The following PTPRM variants were observed in gnomAD, a reference collection of about 807,000 sequenced individuals.
The protein encoded by PTPRM is protein tyrosine phosphatase receptor type M.
PTPRM carries 47 observed loss-of-function variants against 186.7 expected under a neutral mutation model. That is an observed-to-expected ratio of 0.25 (90% CI 0.20 to 0.32). The LOEUF is 0.32. Ranked by LOEUF, PTPRM falls within the 10% of genes least tolerant of loss-of-function variation. The pLI is 1.00. For missense variants in PTPRM, 1,494 were observed against 1,865.0 expected (o/e 0.80, Z 3.66); for synonymous variants, 668 against 674.9 (o/e 0.99, Z 0.16).
intron 2 of PTPRM, among the ~76,000 whole-genome samples, chr18:7,857,515 G>A (rs905172497): frequency 6.6e-6 from 1 of 152,118 alleles, no homozygotes; most frequent in African/African-American, 2.4e-5. Flanking sequence ...ATGATTTGCT[G>A]AAAGACGTAT....
chr18:8,273,634 G>T (rs1404937503), intron 19 of PTPRM, among the ~76,000 whole-genome samples: 1 of 152,118 alleles, frequency 6.6e-6, no homozygotes, highest in South Asian at 2.1e-4. Flanking sequence ...TTTTAAACAA[G>T]ATCCTCCCAG....
chr18:7,603,776 G>A (rs2037464075), intron 1 of PTPRM, among the ~76,000 whole-genome samples: 2 of 152,198 alleles, frequency 1.3e-5, no homozygotes, highest in South Asian at 4.1e-4. Flanking sequence ...AGCAGCCTGT[G>A]GAGTCTGCTA....
chr18:7,779,998 C>G (rs946492111), intron 2 of PTPRM, among the ~76,000 whole-genome samples: 1 of 152,058 alleles, frequency 6.6e-6, no homozygotes, highest in African/African-American at 2.4e-5. Context: ...TTTCTAGTGG[C>G]GAGTATTTAA....
chr18:7,778,687 C>T (rs951187961), intron 2 of PTPRM, among the ~76,000 whole-genome samples: 4 of 152,064 alleles, frequency 2.6e-5, no homozygotes, highest in Non-Finnish European at 4.4e-5. Flanking sequence ...ACGGTGTTGG[C>T]CAGGCTGGTC....
chr18:8,361,269 T>G (rs1036882419), intron 23 of PTPRM, among the ~76,000 whole-genome samples: 2 of 152,166 alleles, frequency 1.3e-5, no homozygotes, highest in African/African-American at 4.8e-5. Context: ...GCCTCTGAAA[T>G]TAAAGCTTGT....
chr18:7,677,636 A>G (rs1348951822), intron 1 of PTPRM, among the ~76,000 whole-genome samples: 1 of 152,116 alleles, frequency 6.6e-6, no homozygotes, highest in Non-Finnish European at 1.5e-5. Context: ...CCTGAGTGGC[A>G]TGGAGAGCCT....
intron 4 of PTPRM, among the ~76,000 whole-genome samples, chr18:7,913,783 T>G (rs2050404987): frequency 6.6e-6 from 1 of 152,156 alleles, no homozygotes; most frequent in African/African-American, 2.4e-5. Flanking sequence ...TACAGAATCA[T>G]GCCCCATTAT....
chr18:8,404,526 CAAAT>C (rs1248901783), intron 32 of PTPRM: 1 of 152,172 alleles, frequency 6.6e-6, no homozygotes, highest in African/African-American at 2.4e-5. Context: ...CCCTTGTCCT[CAAAT>C]AAATAGGTTG....
chr18:7,845,924 C>G (rs2046571608), intron 2 of PTPRM, among the ~76,000 whole-genome samples: 1 of 152,076 alleles, frequency 6.6e-6, no homozygotes. Flanking sequence ...TCTGCCCAAT[C>G]CTGTAATACA....
intron 20 of PTPRM, among the ~76,000 whole-genome samples, chr18:8,314,447 T>G (rs2095293154): frequency 6.6e-6 from 1 of 152,220 alleles, no homozygotes; most frequent in Non-Finnish European, 1.5e-5. Context: ...TGTATGTGAT[T>G]TAGTGAAGTT....
intron 1 of PTPRM, among the ~76,000 whole-genome samples, chr18:7,632,051 C>T (rs931489993): frequency 5.3e-5 from 8 of 152,188 alleles, no homozygotes; most frequent in Non-Finnish European, 1.2e-4. Context: ...ATGCTAGGCA[C>T]GTTGTGCTCA....
chr18:7,910,386 A>C (rs1397403529), intron 4 of PTPRM, among the ~76,000 whole-genome samples: 1 of 152,200 alleles, frequency 6.6e-6, no homozygotes, highest in African/African-American at 2.4e-5. Flanking sequence ...GAAGCAACAA[A>C]AGCAGAGATT....
At chr18:8,176,704 C>T (rs773862209) in intron 14 of PTPRM, among the ~76,000 whole-genome samples, 7 of 152,128 alleles carry the variant, frequency 4.6e-5, no homozygotes, top group South Asian at 2.1e-4. Flanking sequence ...CAGGCGCACC[C>T]GGTTGGTACT....
At chr18:8,181,182 A>G (rs983120409) in intron 14 of PTPRM, among the ~76,000 whole-genome samples, 2 of 152,238 alleles carry the variant, frequency 1.3e-5, no homozygotes, top group Non-Finnish European at 2.9e-5. Flanking sequence ...CCTTCTGGAG[A>G]TTTGAAAGCT....
chr18:7,946,340 G>A (rs1203341918), intron 5 of PTPRM, among the ~76,000 whole-genome samples: 4 of 152,202 alleles, frequency 2.6e-5, no homozygotes, highest in African/African-American at 9.7e-5. Context: ...CATGCCGCAA[G>A]TAAATAGATA....
At chr18:7,733,210 A>G (rs938191816) in intron 1 of PTPRM, among the ~76,000 whole-genome samples, 1 of 152,028 alleles carries the variant, frequency 6.6e-6, no homozygotes, top group African/African-American at 2.4e-5. Flanking sequence ...TGCATTAGGT[A>G]TTTGTCCTAA....
chr18:8,103,407 G>C (rs745784442), intron 11 of PTPRM, among the ~76,000 whole-genome samples: 10 of 152,366 alleles, frequency 6.6e-5, no homozygotes, highest in Non-Finnish European at 1.0e-4. Context: ...ATGTGCTACA[G>C]CTTCTACATC....
chr18:8,147,576 A>G (rs1305910828), intron 14 of PTPRM, among the ~76,000 whole-genome samples: 1 of 152,198 alleles, frequency 6.6e-6, no homozygotes, highest in African/African-American at 2.4e-5. Context: ...TAAATGCACA[A>G]TCATGTCTTC....
At chr18:8,137,581 T>C (rs758238569) in intron 13 of PTPRM, among the ~76,000 whole-genome samples, 1 of 152,202 alleles carries the variant, frequency 6.6e-6, no homozygotes, top group Non-Finnish European at 1.5e-5. Context: ...TGTTCTGTTA[T>C]TTTCTGTGGT....
Sources: gnomAD v4.1 joint callset for allele counts (sites outside exome capture counted in the v4.1 genomes callset) on GRCh38, gnomAD v4.1.1 for gene constraint, MANE v1.5 for transcripts, NCBI Gene and HGNC (gene_info 2026-07-23, HGNC 2026-07-21) for gene names.